Variants in KCNJ4 observed in about 807,000 individuals in gnomAD.
The protein encoded by KCNJ4 is potassium inwardly rectifying channel subfamily J member 4, also known as inward rectifier potassium channel 4.
Under a neutral mutation model 25.6 loss-of-function variants are expected in KCNJ4, and 3 were observed. The observed-to-expected ratio is 0.12, with a 90% CI of 0.05 to 0.30. The LOEUF is 0.30. Among genes scored for constraint, KCNJ4 ranks in the 10% least tolerant of loss-of-function variants. The pLI is 1.00. For synonymous variants in KCNJ4, 257 were observed against 283.9 expected (o/e 0.91, Z 0.95); for missense variants, 286 against 666.8 (o/e 0.43, Z 6.29).
At chr22:38,452,544 C>A (rs2089416098) in intron 1 of KCNJ4, among the ~76,000 whole-genome samples, 3 of 152,208 alleles carry the variant, frequency 2.0e-5, no homozygotes, top group Admixed American at 2.0e-4. Context: ...CTACTGCTCT[C>A]CTCGTGCAGG....
chr22:38,444,951 G>A (rs180714309), intron 1 of KCNJ4, among the ~76,000 whole-genome samples: 34 of 152,258 alleles, frequency 2.2e-4, no homozygotes, highest in Admixed American at 1.1e-3. Flanking sequence ...CTTGGAGGGC[G>A]GTCTGTAAAT....
chr22:38,427,390 A>C lies in KCNJ4; in HGVS notation c.743T>G (p.Ile248Ser). ...CACCAGGAAGATGCGGTCCAGGCCGATGTCATAGCCCACGTTGAGGTCCCG... is the reference window on the plus strand; with the variant it reads ...CACCAGGAAGATGCGGTCCAGGCCGCTGTCATAGCCCACGTTGAGGTCCCG... The part of the protein sequence containing the change: ...DQRDLNVGYD[I>S]GLDRIFLVSP... The change falls in exon 2 of 2, where the codon ATC becomes AGC. Residue 248 changes from isoleucine (I) to serine (S), a missense_variant. This residue lies in a region of KCNJ4 where 39 missense variants were observed against 100.9 expected (regional missense o/e 0.39). Coordinates refer to ENST00000303592, the MANE Select transcript of KCNJ4 (RefSeq NM_152868.3). The C allele has an allele frequency of 1.9e-6, 3 of 1,613,954 alleles. No individual in the cohort carries two copies. The highest frequency in any genetic ancestry group is 2.5e-6 in the Non-Finnish European group (3 of 1,180,004).
rs773072604 is a variant in KCNJ4 at position 38,427,338 on chromosome 22, G to A, written c.795C>T (p.Ile265=). ...TGCCATAAAGCGGGCTGTCCTCGTC[G>A]ATCTCGTGGACAATGATGATGGGCG... is the stretch of plus-strand genomic sequence containing the variant. ...LVSPIIIVHE[I]DEDSPLYGMG... The change falls in exon 2 of 2, where the codon ATC becomes ATT. Residue 265 remains isoleucine (I), a synonymous_variant. Coordinates refer to ENST00000303592, the MANE Select transcript of KCNJ4 (RefSeq NM_152868.3). 25 of 1,613,890 alleles carry A rather than the reference G, an allele frequency of 1.5e-5. No individual in the cohort carries two copies. Among genetic ancestry groups the A allele is most frequent in the African/African-American group, 1.3e-4 (10 of 74,884 alleles).
chr22:38,452,235 C>T (rs1041782511), intron 1 of KCNJ4, among the ~76,000 whole-genome samples: 4 of 152,222 alleles, frequency 2.6e-5, no homozygotes, highest in Non-Finnish European at 5.9e-5. Flanking sequence ...GTTCTCTATA[C>T]AGATGTGGAC....
At chr22:38,437,300 C>A (rs1483650242) in intron 1 of KCNJ4, among the ~76,000 whole-genome samples, 4 of 152,246 alleles carry the variant, frequency 2.6e-5, no homozygotes, top group South Asian at 2.1e-4. Context: ...CTGTTTCAAC[C>A]CACAGGTGTG....
intron 1 of KCNJ4, among the ~76,000 whole-genome samples, chr22:38,430,556 C>T (rs2093046638): frequency 6.6e-6 from 1 of 152,086 alleles, no homozygotes; most frequent in Non-Finnish European, 1.5e-5. Flanking sequence ...GCTGGAGACC[C>T]GACAGGTCAT....
In KCNJ4 at chr22:38,427,533, G is replaced by C. The variant is rs1399230510; in HGVS notation, c.600C>G (p.Leu200=). The change falls in exon 2 of 2, where the codon CTC becomes CTG. Residue 200 remains leucine, a synonymous_variant. Transcript: ENST00000303592. The part of the protein sequence containing the change: ...HAVISVRDGK[L]CLMWRVGNLR... ...GGTTGCCCACGCGCCACATGAGGCA[G>C]AGCTTGCCGTCGCGCACCGAAATGA... 1.2e-6 allele frequency: 2 copies of C among 1,611,828 alleles called. No individual in the cohort carries two copies. The highest frequency in any genetic ancestry group is 3.3e-5 in the Admixed American group (2 of 59,996).
rs937603781 is a variant in KCNJ4, at chr22:38,449,994, G to A, written c.-40+4986C>T. 1.1e-4 allele frequency among the ~76,000 whole-genome samples: 16 copies of A among 152,250 alleles called. No homozygotes were observed. Among genetic ancestry groups the A allele is most frequent in the African/African-American group, 3.9e-4 (16 of 41,472 alleles). On this transcript the variant is annotated intron_variant, in intron 1 of 1. Transcript: ENST00000303592. This position sits in a 1 kb window ranked among gnomAD's most constrained non-coding sequence, Gnocchi z 5.2. ...CAGGAGCGCGCGTGTGTGACTCAAG[G>A]TCTATTCATAGCCGAGCTCCACCAG...
rs1411432517 is a variant in KCNJ4 at position 38,426,777 on chromosome 22, G to A, written c.*18C>T. 6.3e-7 allele frequency: 1 copy of A among 1,591,014 alleles called. No individual in the cohort carries two copies. ...GGCAGAGGCTCTTGTGGGCAGTGGT[G>A]AGGGCCGGGCCTGGAGGTCAGATGG... On this transcript the variant is annotated 3_prime_UTR_variant, in exon 2 of 2. Transcript: ENST00000303592.
chr22:38,446,351 C>T (rs3761451), intron 1 of KCNJ4, among the ~76,000 whole-genome samples: 1 of 152,236 alleles, frequency 6.6e-6, no homozygotes, highest in East Asian at 1.9e-4. Flanking sequence ...TTGGGGGCAG[C>T]CTTGGAGCCC....
intron 1 of KCNJ4, among the ~76,000 whole-genome samples, chr22:38,444,501 C>G (rs747620727): frequency 6.6e-6 from 1 of 152,198 alleles, no homozygotes; most frequent in Non-Finnish European, 1.5e-5. Context: ...CTCTGCCTCA[C>G]CCTCCACGGA....
At chr22:38,451,965 G>A (rs1229955817) in intron 1 of KCNJ4, among the ~76,000 whole-genome samples, 1 of 152,186 alleles carries the variant, frequency 6.6e-6, no homozygotes, top group Non-Finnish European at 1.5e-5. Context: ...CTGGATCCAC[G>A]GGCCCCTGAG....
Position 38,428,271 on chromosome 22 carries a change from G to A in KCNJ4, c.-39-100C>T. Reference sequence around the variant, plus strand: ...AAGACTCTCAGAAGCAGGTGAGCCTGGACCAGGACCTAAGACTTCCTCTGC... The same window carrying A: ...AAGACTCTCAGAAGCAGGTGAGCCTAGACCAGGACCTAAGACTTCCTCTGC... On this transcript the variant is annotated intron_variant, in intron 1 of 1. Coordinates refer to ENST00000303592, the MANE Select transcript of KCNJ4 (RefSeq NM_152868.3). The A allele has an allele frequency of 3.6e-6, 4 of 1,113,324 alleles. No homozygotes were observed. In the South Asian group the frequency reaches 4.5e-5, roughly 13 times the overall value. 69.0% of individuals were successfully genotyped at this position (1,113,324 alleles called of 1,614,324 possible).
intron 1 of KCNJ4, among the ~76,000 whole-genome samples, chr22:38,439,687 A>C (rs2089318106): frequency 6.7e-6 from 1 of 150,210 alleles, no homozygotes. Flanking sequence ...AGGCAGGAGA[A>C]TGGCATGAAC....
In KCNJ4 at chr22:38,427,209, C is replaced by T; in HGVS notation, c.924G>A (p.Leu308=). The part of the protein sequence containing the change: ...AMTTQARSSY[L]ASEILWGHRF... The stretch of plus-strand genomic sequence containing the variant: ...GGTGGCCCCACAGGATCTCGCTGGC[C>T]AGGTAGGAGCTGCGGGCCTGGGTGG... Residue 308 remains leucine, a synonymous_variant, in exon 2 of 2, where the codon CTG becomes CTA. Coordinates refer to ENST00000303592, the MANE Select transcript of KCNJ4 (RefSeq NM_152868.3). 2 of 1,613,492 alleles carry T rather than the reference C, an allele frequency of 1.2e-6. No homozygotes were observed. The highest frequency in any genetic ancestry group is 1.7e-6 in the Non-Finnish European group (2 of 1,180,024).
intron 1 of KCNJ4, among the ~76,000 whole-genome samples, chr22:38,453,600 G>GC (rs2089422137): frequency 6.6e-6 from 1 of 152,140 alleles, no homozygotes; most frequent in Non-Finnish European, 1.5e-5. Context: ...CCTGTGAACA[G>GC]CCCACTGCTC....
At chr22:38,438,622 G>C (rs2145939986) in intron 1 of KCNJ4, among the ~76,000 whole-genome samples, 1 of 150,500 alleles carries the variant, frequency 6.6e-6, no homozygotes, top group Non-Finnish European at 1.5e-5. Flanking sequence ...CCGGGAGGTG[G>C]AGGTTGCAAT....
chr22:38,426,566 C>T lies in KCNJ4; in HGVS notation c.*229G>A, dbSNP rs2093032932. ...GGGTGGTGGATCCGGGGACCTAGAG[C>T]CACCAGAAGTAGGCGCTGGCGGAAC... On this transcript the variant is annotated 3_prime_UTR_variant, in exon 2 of 2. Coordinates refer to ENST00000303592, the MANE Select transcript of KCNJ4 (RefSeq NM_152868.3). 1.8e-6 allele frequency: 1 copy of T among 540,788 alleles called. No individual in the cohort carries two copies. Among genetic ancestry groups the T allele is most frequent in the East Asian group, 3.0e-5 (1 of 32,826 alleles). 33.5% of individuals were successfully genotyped at this position (540,788 alleles called of 1,614,324 possible). A position where few individuals can be genotyped will look rare whatever the true frequency, so the allele number is the denominator to read the frequency against.
chr22:38,454,500 C>T (rs938751840), intron 1 of KCNJ4, among the ~76,000 whole-genome samples: 1 of 152,190 alleles, frequency 6.6e-6, no homozygotes, highest in Non-Finnish European at 1.5e-5. Flanking sequence ...GCCCCTGCGC[C>T]CTGGGGTCGT....
Sources: allele counts gnomAD v4.1 joint callset (sites outside exome capture counted in the v4.1 genomes callset), GRCh38; gene constraint gnomAD v4.1.1; regional missense constraint gnomAD v4.1.1; non-coding constraint Gnocchi (gnomAD v3.1); transcripts MANE v1.5; gene names NCBI Gene and HGNC (gene_info 2026-07-23, HGNC 2026-07-21).